KCNN2: variants seen among roughly 807,000 people sequenced by gnomAD.
KCNN2 encodes the protein potassium calcium-activated channel subfamily N member 2.
A neutral mutation model predicts 55.5 loss-of-function variants in KCNN2; 24 were observed. That is an observed-to-expected ratio of 0.43 (90% confidence interval 0.31 to 0.61). The LOEUF (loss-of-function observed/expected upper bound fraction) is 0.61, where lower values mean the gene tolerates loss of function less well. Among genes scored for constraint, KCNN2 ranks in the 20% least tolerant of loss-of-function variants. The probability of loss-of-function intolerance (pLI) is 0.08; values close to 1 mark genes in which losing one functional copy is unlikely to be tolerated. For synonymous variants in KCNN2, 431 were observed against 336.1 expected (o/e 1.28, Z -3.09); for missense variants, 754 against 853.6 (o/e 0.88, Z 1.45).
At chr5:114,247,847 G>A (rs1336213095) in intron 2 of KCNN2, among the ~76,000 whole-genome samples, 1 of 152,132 alleles carries the variant, frequency 6.6e-6, no homozygotes, top group Non-Finnish European at 1.5e-5. Flanking sequence ...TATGTCTTAG[G>A]TGGGTTTCTG....
In KCNN2 at chr5:114,267,183, C is replaced by T. The variant is rs150029089; in HGVS notation, c.-185+45618C>T. ...GCTAATTTTTGTGTTTGTAGTGAGA[C>T]GGGGTTTCACCATATTGGCCAGGAT... On this transcript the variant is annotated intron_variant, in intron 2 of 10. Coordinates refer to the KCNN2 transcript ENST00000512097. 5.8e-3 allele frequency among the ~76,000 whole-genome samples: 880 copies of T among 152,160 alleles called. 8 individuals carry two copies. The highest frequency in any genetic ancestry group is 0.019 in the African/African-American group (782 of 41,534).
At chr5:114,204,836 T>C (rs1014030621) in intron 1 of KCNN2, among the ~76,000 whole-genome samples, 47 of 152,232 alleles carry the variant, frequency 3.1e-4, no homozygotes, top group African/African-American at 1.0e-3. Context: ...CACTGAGATT[T>C]GGGGTTCAAT....
Position 114,363,008 on chromosome 5 carries a change from A to G in KCNN2, c.869A>G (p.Asn290Ser), listed in dbSNP as rs559947515. The change falls in exon 1 of 8, where the codon AAC (asparagine) becomes AGC (serine). Residue 290 changes from asparagine (N) to serine (S), a missense_variant. Asn to Ser is a conservative substitution (Grantham distance 46, BLOSUM62 1). This residue lies in a region of KCNN2 where 381 missense variants were observed against 259.1 expected (regional missense o/e 1.47). Transcript: ENST00000673685. ...VSKPEHNNSNNLALYGTGGGG... is the reference protein window; with the variant it reads ...VSKPEHNNSNSLALYGTGGGG... ...AAGCCCGAGCACAACAACTCCAACA[A>G]CCTGGCGCTCTATGGAACCGGCGGC... 6.3e-7 allele frequency: 1 copy of G among 1,597,786 alleles called. No individual in the cohort carries two copies. The highest frequency in any genetic ancestry group is 1.7e-5 in the Admixed American group (1 of 58,468).
At chr5:114,292,384 G>A (rs1251192226) in intron 2 of KCNN2, among the ~76,000 whole-genome samples, 1 of 152,144 alleles carries the variant, frequency 6.6e-6, no homozygotes, top group Non-Finnish European at 1.5e-5. Context: ...TGTAAGGAAG[G>A]GATCCAGTTT....
chr5:114,230,033 A>G (rs1197233685), intron 2 of KCNN2, among the ~76,000 whole-genome samples: 1 of 152,172 alleles, frequency 6.6e-6, no homozygotes, highest in Non-Finnish European at 1.5e-5. Flanking sequence ...CCTAAAGGTG[A>G]GAAATGGCTC....
chr5:114,224,101 TG>T (rs1264583043), intron 2 of KCNN2, among the ~76,000 whole-genome samples: 1 of 152,168 alleles, frequency 6.6e-6, no homozygotes, highest in Non-Finnish European at 1.5e-5. Flanking sequence ...TATCTCTCTC[TG>T]GTGCCCCCTT....
At chr5:114,109,865 C>A (rs975430108) in intron 1 of KCNN2, among the ~76,000 whole-genome samples, 39 of 152,116 alleles carry the variant, frequency 2.6e-4, no homozygotes, top group Non-Finnish European at 7.4e-5. Context: ...GAGGGACTTG[C>A]AAGAGCATGG....
At chr5:114,115,402 T>C (rs1751690772) in intron 1 of KCNN2, among the ~76,000 whole-genome samples, 1 of 152,134 alleles carries the variant, frequency 6.6e-6, no homozygotes, top group South Asian at 2.1e-4. Context: ...TAACATTCTA[T>C]GCTGTGGGTT....
intron 3 of KCNN2, among the ~76,000 whole-genome samples, chr5:114,439,148 C>T (rs1420218090): frequency 6.6e-6 from 1 of 152,050 alleles, no homozygotes; most frequent in Admixed American, 6.6e-5. Flanking sequence ...CAAATGGACG[C>T]CCATAGCTAA....
At chr5:114,066,572 CT>C (rs931507618) in intron 1 of KCNN2, among the ~76,000 whole-genome samples, 3 of 152,086 alleles carry the variant, frequency 2.0e-5, no homozygotes, top group African/African-American at 7.2e-5. Context: ...AAGTGTTTTT[CT>C]TTTTTTTCTT....
At chr5:114,388,348 C>G (rs899814091) in intron 2 of KCNN2, among the ~76,000 whole-genome samples, 4 of 152,062 alleles carry the variant, frequency 2.6e-5, no homozygotes, top group Admixed American at 2.6e-4. Context: ...AGTGGTTACT[C>G]TTAAATTTTT....
intron 1 of KCNN2, among the ~76,000 whole-genome samples, chr5:114,221,062 A>G (rs1475521460): frequency 2.0e-5 from 3 of 152,208 alleles, no homozygotes; most frequent in South Asian, 2.1e-4. Context: ...GCATTATAAT[A>G]TCACCACTAT....
rs548665311 is a variant in KCNN2, at chr5:114,297,909, T to C, written c.-184-63036T>C. Among the ~76,000 whole-genome samples, 6 of 152,296 alleles carry C rather than the reference T, an allele frequency of 3.9e-5. No individual in the cohort carries two copies. The South Asian group carries it at 1.0e-3, about 26-fold the overall frequency. On this transcript the variant is annotated intron_variant, in intron 2 of 10. Transcript: ENST00000512097. The stretch of plus-strand genomic sequence containing the variant: ...GTGTCCTTGGTCAGATTATTTCCCC[T>C]GTGTCTCAGTTTCCTTATACGTGAA...
At chr5:114,169,548 T>C (rs559860648) in intron 1 of KCNN2, among the ~76,000 whole-genome samples, 2 of 152,092 alleles carry the variant, frequency 1.3e-5, no homozygotes, top group South Asian at 4.2e-4. Flanking sequence ...AACTTTTATC[T>C]CCTCTGCAGT....
chr5:114,281,613 G>A (rs1026890891), intron 2 of KCNN2, among the ~76,000 whole-genome samples: 3 of 119,402 alleles, frequency 2.5e-5, no homozygotes, highest in Non-Finnish European at 3.5e-5. Context: ...CTCTCTCCCC[G>A]CCCCTCCATC....
At chr5:114,074,739 C>T (rs1408163142) in intron 1 of KCNN2, among the ~76,000 whole-genome samples, 1 of 152,090 alleles carries the variant, frequency 6.6e-6, no homozygotes, top group African/African-American at 2.4e-5. Flanking sequence ...GATTAATATC[C>T]TTAGAAAGAG....
intron 3 of KCNN2, among the ~76,000 whole-genome samples, chr5:114,462,327 G>A (rs1275427974): frequency 6.6e-6 from 1 of 152,146 alleles, no homozygotes; most frequent in African/African-American, 2.4e-5. Context: ...AGGATACTTT[G>A]TATCCCTCTC....
intron 2 of KCNN2, among the ~76,000 whole-genome samples, chr5:114,250,940 C>T (rs900064325): frequency 1.1e-4 from 16 of 152,196 alleles, no homozygotes; most frequent in African/African-American, 3.9e-4. Flanking sequence ...ATATCTAGGA[C>T]AGATGATGTT....
chr5:114,340,674 G>A (rs1308671349), intron 2 of KCNN2, among the ~76,000 whole-genome samples: 2 of 150,252 alleles, frequency 1.3e-5, no homozygotes, highest in African/African-American at 2.4e-5. Flanking sequence ...GTGCATGTGT[G>A]TGTGTGTGTG....
Sources: allele counts gnomAD v4.1 joint callset (sites outside exome capture counted in the v4.1 genomes callset), GRCh38; gene constraint gnomAD v4.1.1; regional missense constraint gnomAD v4.1.1; transcripts MANE v1.5; gene names NCBI Gene and HGNC (gene_info 2026-07-23, HGNC 2026-07-21).